GNG12: variants seen among roughly 807,000 people sequenced by gnomAD.
GNG12 encodes the protein G protein subunit gamma 12, also known as guanine nucleotide-binding protein G(I)/G(S)/G(O) subunit gamma-12.
For synonymous variants in GNG12, 28 were observed against 29.7 expected (o/e 0.94, Z 0.19); for missense variants, 69 against 83.8 (o/e 0.82, Z 0.69).
At chr1:67,823,356 T>C (rs1557628768) in intron 1 of GNG12, among the ~76,000 whole-genome samples, 1 of 152,230 alleles carries the variant, frequency 6.6e-6, no homozygotes, top group African/African-American at 2.4e-5. Flanking sequence ...CTGAAAACTA[T>C]TTTTAATTCA....
At chr1:67,818,681 A>G (rs929970533) in intron 1 of GNG12, among the ~76,000 whole-genome samples, 2 of 152,160 alleles carry the variant, frequency 1.3e-5, no homozygotes, top group Non-Finnish European at 2.9e-5. Context: ...GCTATTGTGG[A>G]GAGCCACAAG....
chr1:67,798,710 C>T (rs1190143485), intron 1 of GNG12, among the ~76,000 whole-genome samples: 1 of 152,102 alleles, frequency 6.6e-6, no homozygotes, highest in Non-Finnish European at 1.5e-5. Flanking sequence ...AATCCCAGCA[C>T]TTCGGTTGGC....
At position 67,782,090 on chromosome 1, in the gene GNG12, ATATGAT is replaced by A. The variant is rs1646740747; in HGVS notation, c.-76-4589_-76-4584del. On this transcript the variant is annotated intron_variant, in intron 1 of 3. Transcript: ENST00000370982. The stretch of plus-strand genomic sequence containing the variant: ...TATATGGTTTCACTTGCAAATTCTG[ATATGAT>A]GTTATCTCAAAAGGCAAAACAGATG... Among the ~76,000 whole-genome samples the A allele has an allele frequency of 2.0e-5, 3 of 152,312 alleles. No homozygotes were observed. In the South Asian group the frequency reaches 6.2e-4, roughly 32 times the overall value.
chr1:67,707,242 A>G (rs1208790388), intron 3 of GNG12, among the ~76,000 whole-genome samples: 1 of 152,160 alleles, frequency 6.6e-6, no homozygotes, highest in African/African-American at 2.4e-5. Flanking sequence ...ATTCTAGAAC[A>G]CTTAAATTCC....
chr1:67,773,791 G>A (rs1174980742), intron 2 of GNG12, among the ~76,000 whole-genome samples: 1 of 152,124 alleles, frequency 6.6e-6, no homozygotes, highest in Non-Finnish European at 1.5e-5. Flanking sequence ...TGCCCAATCT[G>A]GTCCACAACT....
intron 2 of GNG12, among the ~76,000 whole-genome samples, chr1:67,728,576 G>A (rs1293689917): frequency 2.0e-5 from 3 of 152,002 alleles, no homozygotes; most frequent in East Asian, 1.9e-4. Flanking sequence ...ATGTCACTAG[G>A]GTGAACCTTA....
intron 2 of GNG12, among the ~76,000 whole-genome samples, chr1:67,711,229 G>C (rs1646293565): frequency 6.6e-6 from 1 of 152,208 alleles, no homozygotes; most frequent in Non-Finnish European, 1.5e-5. Flanking sequence ...GGGTAACTGT[G>C]ATTGCAGGGG....
At chr1:67,774,166 G>T (rs1488061085) in intron 2 of GNG12, among the ~76,000 whole-genome samples, 2 of 152,090 alleles carry the variant, frequency 1.3e-5, no homozygotes, top group African/African-American at 4.8e-5. Flanking sequence ...TTATCTTCCA[G>T]CCACCGTAAG....
In GNG12 at chr1:67,810,300, G is replaced by A. The variant is rs150183234; in HGVS notation, c.-77+23044C>T. On this transcript the variant is annotated intron_variant, in intron 1 of 3. Transcript: ENST00000370982. The stretch of plus-strand genomic sequence containing the variant: ...GAGCACACAGGACTTTTAGGACAGC[G>A]AAACTATTTTGTATAATACTACACT... Among the ~76,000 whole-genome samples the A allele has an allele frequency of 5.7e-3, 871 of 152,288 alleles. 7 individuals are homozygous for A. The highest frequency in any genetic ancestry group is 0.02 in the African/African-American group (820 of 41,556).
intron 2 of GNG12, among the ~76,000 whole-genome samples, chr1:67,732,443 C>A (rs1361525139): frequency 6.6e-6 from 1 of 152,298 alleles, no homozygotes; most frequent in African/African-American, 2.4e-5. Context: ...ACCTTTCAGG[C>A]CCTTGGGTTT....
chr1:67,774,023 AGTC>A (rs1378274919), intron 2 of GNG12, among the ~76,000 whole-genome samples: 1 of 152,240 alleles, frequency 6.6e-6, no homozygotes, highest in Non-Finnish European at 1.5e-5. Context: ...GCACCGAGGC[AGTC>A]GTCATTGTTT....
chr1:67,781,044 A>G (rs1646734614), intron 1 of GNG12, among the ~76,000 whole-genome samples: 1 of 152,214 alleles, frequency 6.6e-6, no homozygotes, highest in Admixed American at 6.5e-5. Context: ...TTGTAGAAGA[A>G]TACTTTCCTC....
At chr1:67,728,945 C>T (rs1646403219) in intron 2 of GNG12, among the ~76,000 whole-genome samples, 1 of 152,192 alleles carries the variant, frequency 6.6e-6, no homozygotes, top group Non-Finnish European at 1.5e-5. Flanking sequence ...AAACCTGGAA[C>T]ATAAGTGACA....
intron 1 of GNG12, among the ~76,000 whole-genome samples, chr1:67,829,001 A>T (rs889422409): frequency 1.3e-5 from 2 of 152,006 alleles, no homozygotes; most frequent in African/African-American, 2.4e-5. Flanking sequence ...TATTACGCAA[A>T]TTTTTTTTAG....
chr1:67,822,703 GT>G (rs1481286788), intron 1 of GNG12, among the ~76,000 whole-genome samples: 1 of 151,492 alleles, frequency 6.6e-6, no homozygotes, highest in Non-Finnish European at 1.5e-5. Flanking sequence ...GTTTTTTGTT[GT>G]GAGTTTAAAA....
intron 2 of GNG12, among the ~76,000 whole-genome samples, chr1:67,734,630 T>G (rs1380105279): frequency 6.6e-6 from 1 of 152,098 alleles, no homozygotes; most frequent in African/African-American, 2.4e-5. Context: ...TATGTTGCCT[T>G]CTTTATGATT....
intron 1 of GNG12, among the ~76,000 whole-genome samples, chr1:67,798,146 T>C (rs1646842948): frequency 1.3e-5 from 2 of 152,102 alleles, no homozygotes; most frequent in African/African-American, 4.8e-5. Flanking sequence ...ACTGGTCTGT[T>C]TGTGGCCTGT....
chr1:67,761,775 A>G (rs573970955), intron 2 of GNG12, among the ~76,000 whole-genome samples: 5 of 152,118 alleles, frequency 3.3e-5, no homozygotes, highest in Non-Finnish European at 5.9e-5. Context: ...TGTGCACACC[A>G]TCCGCTTTCT....
chr1:67,717,616 T>C (rs1450076552), intron 2 of GNG12, among the ~76,000 whole-genome samples: 1 of 152,176 alleles, frequency 6.6e-6, no homozygotes, highest in African/African-American at 2.4e-5. Flanking sequence ...ACCTACAGGA[T>C]TAAGTGTTCT....
Sources: allele counts gnomAD v4.1 joint callset (sites outside exome capture counted in the v4.1 genomes callset), GRCh38; gene constraint gnomAD v4.1.1; transcripts MANE v1.5; gene names NCBI Gene and HGNC (gene_info 2026-07-23, HGNC 2026-07-21).